The following EPM2A variants were observed in gnomAD, a reference collection of about 807,000 sequenced individuals.
EPM2A encodes the protein EPM2A glucan phosphatase, laforin.
In EPM2A, 21 loss-of-function variants were observed where a neutral mutation model predicts 26.5. The observed-to-expected ratio is 0.79, with a 90% CI of 0.56 to 1.14. The LOEUF (loss-of-function observed/expected upper bound fraction) is 1.14. EPM2A is among the 50% of genes most tolerant of loss of function. The pLI is 0.00. For missense variants in EPM2A, 458 were observed against 440.8 expected (o/e 1.04, Z -0.35); for synonymous variants, 217 against 177.6 (o/e 1.22, Z -1.76).
intron 4 of EPM2A, among the ~76,000 whole-genome samples, chr6:145,489,128 G>A (rs1482431140): frequency 6.6e-6 from 1 of 152,132 alleles, no homozygotes; most frequent in Non-Finnish European, 1.5e-5. Flanking sequence ...TACTGGGGTA[G>A]ACAACAACAT....
intron 2 of EPM2A, among the ~76,000 whole-genome samples, chr6:145,616,623 A>G (rs1775518705): frequency 6.6e-6 from 1 of 152,226 alleles, no homozygotes; most frequent in East Asian, 1.9e-4. Flanking sequence ...CAGCCCATGA[A>G]AGCAGCCAGC....
At chr6:145,575,294 T>C (rs73566728) in intron 2 of EPM2A, among the ~76,000 whole-genome samples, 10,208 of 152,208 alleles carry the variant, frequency 0.067, 1,149 homozygotes, top group African/African-American at 0.23. Context: ...ATCAGGGTCT[T>C]CCCACACATC....
chr6:145,560,155 AAAAT>A (rs1780784565), intron 2 of EPM2A, among the ~76,000 whole-genome samples: 1 of 152,120 alleles, frequency 6.6e-6, no homozygotes, highest in South Asian at 2.1e-4. Context: ...GGTCAGCAGC[AAAAT>A]CCACATAGAA....
chr6:145,679,047 A>G (rs1780293717), intron 2 of EPM2A, among the ~76,000 whole-genome samples: 2 of 152,206 alleles, frequency 1.3e-5, no homozygotes, highest in African/African-American at 4.8e-5. Context: ...TGGCACATAT[A>G]CATCATGGAA....
Position 145,669,257 on chromosome 6 carries a change from T to C in EPM2A, c.476+16865A>G, listed in dbSNP as rs150244199. 4.3e-3 allele frequency among the ~76,000 whole-genome samples: 653 copies of C among 152,296 alleles called. 6 individuals are homozygous for C. Among genetic ancestry groups the C allele is most frequent in the African/African-American group, 9.0e-3 (374 of 41,576 alleles). On this transcript the variant is annotated intron_variant, in intron 2 of 3. Coordinates refer to ENST00000367519, the MANE Select transcript of EPM2A (RefSeq NM_005670.4). Reference sequence around the variant, plus strand: ...AAAAAGTCTGTGAACAGAAAAGTTATAATAGGGCCTTTATGATATAGAAAT... The same window carrying C: ...AAAAAGTCTGTGAACAGAAAAGTTACAATAGGGCCTTTATGATATAGAAAT...
chr6:145,425,287 C>G (rs1022498443), intron 4 of EPM2A, among the ~76,000 whole-genome samples: 1 of 152,106 alleles, frequency 6.6e-6, no homozygotes, highest in African/African-American at 2.4e-5. Flanking sequence ...GATTCTCCCA[C>G]CTCGGCCTCC....
intron 4 of EPM2A, among the ~76,000 whole-genome samples, chr6:145,473,827 A>G (rs2114727476): frequency 6.6e-6 from 1 of 152,220 alleles, no homozygotes; most frequent in South Asian, 2.1e-4. Flanking sequence ...ATATTCTTCA[A>G]ACATGAAGGA....
intron 2 of EPM2A, among the ~76,000 whole-genome samples, chr6:145,520,497 T>C (rs1780189022): frequency 6.6e-6 from 1 of 152,224 alleles, no homozygotes; most frequent in Non-Finnish European, 1.5e-5. Context: ...CTCCCTGGAA[T>C]ACTTATCACA....
At chr6:145,398,385 C>CT (rs77081200) in intron 4 of EPM2A, among the ~76,000 whole-genome samples, 10 of 151,420 alleles carry the variant, frequency 6.6e-5, no homozygotes, top group South Asian at 2.1e-4. Flanking sequence ...ATGTTTGTCT[C>CT]TTTTTTTTTC....
chr6:145,620,370 T>C (rs1775607312), downstream of EPM2A, among the ~76,000 whole-genome samples: 1 of 152,150 alleles, frequency 6.6e-6, no homozygotes, highest in African/African-American at 2.4e-5. Flanking sequence ...TAAAGCTCAC[T>C]GACCTGCCAC....
At chr6:145,619,556 A>G (rs1406142416) in intron 2 of EPM2A, among the ~76,000 whole-genome samples, 2 of 152,218 alleles carry the variant, frequency 1.3e-5, no homozygotes, top group Admixed American at 6.5e-5. Context: ...TCATAAGCTC[A>G]CTGGAACCTT....
chr6:145,421,634 G>A (rs1027763118), intron 4 of EPM2A, among the ~76,000 whole-genome samples: 12 of 151,580 alleles, frequency 7.9e-5, no homozygotes, highest in East Asian at 7.7e-4. Flanking sequence ...AGAGTAAACC[G>A]AAAACTTAAA....
intron 3 of EPM2A, 167 bp from the exon 4 acceptor site, chr6:145,627,860 C>T: frequency 1.1e-6 from 1 of 943,034 alleles, no homozygotes; most frequent in Non-Finnish European, 1.6e-6. Flanking sequence ...GACCATTTTA[C>T]AATCTGCTAA....
At chr6:145,438,688 G>A (rs1582755554) in intron 4 of EPM2A, among the ~76,000 whole-genome samples, 1 of 152,106 alleles carries the variant, frequency 6.6e-6, no homozygotes, top group South Asian at 2.1e-4. Context: ...TGGTCAGGCT[G>A]GTCTCAAACT....
rs572495190 is a variant in EPM2A at position 145,409,178 on chromosome 6, T to C, written c.556-25081A>G. On this transcript the variant is annotated intron_variant, in intron 4 of 4. Coordinates refer to the EPM2A transcript ENST00000638717. ...AGAACTTGATAGGAAAATAAATTGA[T>C]GCAAGCTGTAATGTCACATGTCTGT... is the stretch of plus-strand genomic sequence containing the variant. Among the ~76,000 whole-genome samples the C allele has an allele frequency of 4.6e-5, 7 of 152,314 alleles. No homozygotes were observed. The East Asian group carries it at 1.2e-3, about 25-fold the overall frequency.
chr6:145,497,238 A>C (rs1268343615), downstream of EPM2A, among the ~76,000 whole-genome samples: 4 of 152,140 alleles, frequency 2.6e-5, no homozygotes, highest in Non-Finnish European at 4.4e-5. Context: ...TAACATTTGG[A>C]TGCGGTTTTG....
chr6:145,701,801 T>C (rs1411151139), intron 1 of EPM2A, among the ~76,000 whole-genome samples: 1 of 152,208 alleles, frequency 6.6e-6, no homozygotes, highest in East Asian at 1.9e-4. Flanking sequence ...AATTCAAAAC[T>C]ATTCCATGTA....
intron 4 of EPM2A, among the ~76,000 whole-genome samples, chr6:145,482,286 G>C (rs1779619250): frequency 2.0e-5 from 3 of 152,082 alleles, no homozygotes; most frequent in Admixed American, 1.3e-4. Context: ...TAACACTAAG[G>C]CTTAAAAGAA....
chr6:145,716,639 G>A (rs1167837724), intron 1 of EPM2A, among the ~76,000 whole-genome samples: 2 of 152,014 alleles, frequency 1.3e-5, no homozygotes, highest in Non-Finnish European at 2.9e-5. Flanking sequence ...CCTCACAACT[G>A]TGGCAGTCTT....
Sources: gnomAD v4.1 joint callset for allele counts (sites outside exome capture counted in the v4.1 genomes callset) on GRCh38, gnomAD v4.1.1 for gene constraint, MANE v1.5 for transcripts, NCBI Gene and HGNC (gene_info 2026-07-23, HGNC 2026-07-21) for gene names.